Variants in TLR5 observed in about 807,000 individuals in gnomAD.
TLR5 encodes toll like receptor 5.
For missense variants in TLR5, 944 were observed against 999.8 expected (o/e 0.94, Z 0.75); for synonymous variants, 373 against 384.4 (o/e 0.97, Z 0.35).
intron 4 of TLR5, among the ~76,000 whole-genome samples, chr1:223,133,623 G>C (rs1657479586): frequency 6.6e-6 from 1 of 152,196 alleles, no homozygotes; most frequent in African/African-American, 2.4e-5. Context: ...TGCACGATTG[G>C]TTTTGAGAAG....
In TLR5 at chr1:223,112,781, A is replaced by G. The variant is rs1176912593; in HGVS notation, c.251T>C (p.Leu84Ser). ...TCTGAAGGCCTCCTTGTCAATAGTC[A>G]AGGGGGTATACTGGCTCCCGAGCTC... is the stretch of plus-strand genomic sequence containing the variant. Reference protein sequence around the residue: ...LLELGSQYTPLTIDKEAFRNL... With the variant: ...LLELGSQYTPSTIDKEAFRNL... Residue 84 changes from leucine to serine, a missense_variant, in exon 6 of 6, where the codon TTG (leucine) becomes TCG (serine). By Grantham distance (145) the Leu-to-Ser change is moderately radical. Transcript: ENST00000642603. 1.1e-5 allele frequency: 18 copies of G among 1,613,624 alleles called. No homozygotes were observed. Among genetic ancestry groups the G allele is most frequent in the Admixed American group, 1.7e-5 (1 of 59,974 alleles).
intron 5 of TLR5, among the ~76,000 whole-genome samples, 187 bp from the exon 6 acceptor site, chr1:223,113,222 T>C (rs1044679846): frequency 6.6e-6 from 1 of 152,212 alleles, no homozygotes; most frequent in Non-Finnish European, 1.5e-5. Flanking sequence ...TCTGTTTTTT[T>C]TGAGACAGGG....
chr1:223,142,364 G>C (rs1048494374), intron 1 of TLR5, among the ~76,000 whole-genome samples: 4 of 152,170 alleles, frequency 2.6e-5, no homozygotes, highest in Non-Finnish European at 5.9e-5. Flanking sequence ...CTTGTTTGCA[G>C]TTCACGGTGC....
intron 5 of TLR5, 97 bp from the exon 6 acceptor site, chr1:223,113,132 G>T: frequency 8.2e-7 from 1 of 1,215,650 alleles, no homozygotes; most frequent in Non-Finnish European, 1.2e-6. Flanking sequence ...TGATGTGCCT[G>T]CTCCCTTTGA....
intron 3 of TLR5, 52 bp downstream of exon 3, chr1:223,137,126 T>A (rs776522550): frequency 6.6e-6 from 1 of 152,244 alleles, no homozygotes; most frequent in Non-Finnish European, 1.5e-5. Context: ...CCTGGCCTTA[T>A]TGACTATTAA....
intron 4 of TLR5, among the ~76,000 whole-genome samples, chr1:223,133,718 G>A (rs1287059763): frequency 6.6e-6 from 1 of 152,228 alleles, no homozygotes; most frequent in Non-Finnish European, 1.5e-5. Flanking sequence ...CCTCAAAGAA[G>A]ATTCATGTGA....
chr1:223,113,142 A>T (rs1656456226), intron 5 of TLR5, 107 bp from the exon 6 acceptor site: 1 of 1,067,010 alleles, frequency 9.4e-7, no homozygotes, highest in Admixed American at 2.0e-5. Context: ...GCTCCCTTTG[A>T]CCCCTTCATT....
intron 5 of TLR5, among the ~76,000 whole-genome samples, chr1:223,116,372 A>G (rs1656647313): frequency 6.6e-6 from 1 of 152,012 alleles, no homozygotes; most frequent in Admixed American, 6.6e-5. Context: ...GGTGAGTGTT[A>G]CAGCTCTTAA....
At chr1:223,124,450 A>AAC (rs1191449703) in intron 5 of TLR5, among the ~76,000 whole-genome samples, 3 of 151,192 alleles carry the variant, frequency 2.0e-5, no homozygotes, top group African/African-American at 7.3e-5. Context: ...TCTAAAACAA[A>AAC]AAAAAAAAAG....
chr1:223,140,528 CAG>C (rs1488553592), intron 2 of TLR5, among the ~76,000 whole-genome samples: 3 of 134,160 alleles, frequency 2.2e-5, no homozygotes, highest in African/African-American at 9.0e-5. Context: ...GCCTAGGTGA[CAG>C]AGTGAGACTC....
chr1:223,129,816 A>G (rs983235439), intron 5 of TLR5, among the ~76,000 whole-genome samples: 4 of 152,222 alleles, frequency 2.6e-5, no homozygotes, highest in African/African-American at 9.6e-5. Flanking sequence ...ACAGCGGGCT[A>G]AACGTCTGAC....
intron 5 of TLR5, chr1:223,126,903 G>A (rs1365237525): frequency 1.3e-5 from 2 of 152,198 alleles, no homozygotes; most frequent in East Asian, 3.8e-4. Context: ...GAGGGAGAAG[G>A]GTCAGTATCC....
In TLR5 at chr1:223,112,167, A is replaced by C; in HGVS notation, c.865T>G (p.Ser289Ala). Residue 289 changes from serine to alanine, a missense_variant, in exon 6 of 6, where the codon TCA becomes GCA. Coordinates refer to ENST00000642603, the MANE Select transcript of TLR5 (RefSeq NM_003268.6). Reference sequence around the variant, plus strand: ...TGTGAAAGATCCAGGTGTCTCACTGAACTTCTGGCCAGGCCAGCAAATGTG... The same window carrying C: ...TGTGAAAGATCCAGGTGTCTCACTGCACTTCTGGCCAGGCCAGCAAATGTG... ...QNTFAGLARSSVRHLDLSHGF... is the reference protein window; with the variant it reads ...QNTFAGLARSAVRHLDLSHGF... 6.2e-7 allele frequency: 1 copy of C among 1,614,134 alleles called. No homozygotes were observed. The highest frequency in any genetic ancestry group is 8.5e-7 in the Non-Finnish European group (1 of 1,179,944).
intron 5 of TLR5, among the ~76,000 whole-genome samples, chr1:223,120,308 A>C (rs1656897941): frequency 6.6e-6 from 1 of 152,158 alleles, no homozygotes; most frequent in African/African-American, 2.4e-5. Context: ...CTTTCTTCAC[A>C]ACCCCTTGAT....
intron 5 of TLR5, among the ~76,000 whole-genome samples, chr1:223,123,189 A>G (rs1280536524): frequency 6.6e-6 from 1 of 152,220 alleles, no homozygotes; most frequent in Non-Finnish European, 1.5e-5. Context: ...TTCTCATCTC[A>G]TGAAACCAGA....
At position 223,131,100 on chromosome 1, in the gene TLR5, C is replaced by T. The variant is rs1657379514; in HGVS notation, c.-5+1375G>A. ...CTAGTCTCCCATAGTAAGCCTGACC[C>T]TGACACACACACCCCTCACTTACTA... On this transcript the variant is annotated intron_variant, in intron 5 of 5. Coordinates refer to ENST00000642603, the MANE Select transcript of TLR5 (RefSeq NM_003268.6). This position sits in a 1 kb window ranked among gnomAD's most constrained non-coding sequence, Gnocchi z 4.2. 6.6e-6 allele frequency among the ~76,000 whole-genome samples: 1 copy of T among 152,164 alleles called. No individual in the cohort carries two copies. The highest frequency in any genetic ancestry group is 1.5e-5 in the Non-Finnish European group (1 of 68,024).
At chr1:223,133,895 C>A (rs375555812) in intron 4 of TLR5, among the ~76,000 whole-genome samples, 4 of 152,224 alleles carry the variant, frequency 2.6e-5, no homozygotes, top group African/African-American at 9.6e-5. Flanking sequence ...GGAGCCGCGG[C>A]CGGAGAGTCG....
intron 5 of TLR5, chr1:223,127,070 A>G (rs851189): frequency 0.66 from 100,079 of 151,614 alleles, 34,284 homozygotes; most frequent in African/African-American, 0.85. Context: ...CTTGCATTTC[A>G]GGGGTGCCTC....
At chr1:223,113,507 ATTC>A (rs1357486956) in intron 5 of TLR5, among the ~76,000 whole-genome samples, 1 of 152,142 alleles carries the variant, frequency 6.6e-6, no homozygotes, top group Non-Finnish European at 1.5e-5. Context: ...CACCTGGCCT[ATTC>A]TTGCTCTCTA....
Sources: allele counts gnomAD v4.1 joint callset (sites outside exome capture counted in the v4.1 genomes callset), GRCh38; gene constraint gnomAD v4.1.1; non-coding constraint Gnocchi (gnomAD v3.1); transcripts MANE v1.5; gene names NCBI Gene and HGNC (gene_info 2026-07-23, HGNC 2026-07-21).